The following PTPRC variants were observed in gnomAD, a reference collection of about 807,000 sequenced individuals.
PTPRC encodes the protein receptor-type tyrosine-protein phosphatase C.
PTPRC carries 44 observed loss-of-function variants against 155.9 expected under a neutral mutation model. The ratio of observed to expected loss-of-function variants is 0.28; its 90% CI spans 0.22 to 0.36. The LOEUF is 0.36. Among genes scored for constraint, PTPRC ranks in the 10% least tolerant of loss-of-function variants. The probability of loss-of-function intolerance (pLI) is 1.00; values close to 1 mark genes in which losing one functional copy is unlikely to be tolerated. For missense variants in PTPRC, 1,401 were observed against 1,564.6 expected, an observed-to-expected ratio of 0.90 and a Z score of 1.76; for synonymous variants, 525 against 533.1, an observed-to-expected ratio of 0.98 and a Z score of 0.21.
intron 14 of PTPRC, among the ~76,000 whole-genome samples, chr1:198,720,016 G>A (rs112221864): frequency 9.2e-5 from 14 of 152,236 alleles, no homozygotes; most frequent in African/African-American, 3.4e-4. Flanking sequence ...AGGGCATTAT[G>A]ATAGATGATG....
chr1:198,658,907 T>C (rs1663765167), intron 2 of PTPRC, among the ~76,000 whole-genome samples: 1 of 152,076 alleles, frequency 6.6e-6, no homozygotes, highest in South Asian at 2.1e-4. Flanking sequence ...TCAAATCATT[T>C]GAGAACGTTA....
chr1:198,715,644 G>GAAA (rs555130847), intron 12 of PTPRC, among the ~76,000 whole-genome samples: 6 of 145,618 alleles, frequency 4.1e-5, no homozygotes, highest in African/African-American at 1.5e-4. Context: ...ATTTTTTTAA[G>GAAA]AAAAAAAAAA....
chr1:198,688,095 G>T (rs972556081), intron 2 of PTPRC, among the ~76,000 whole-genome samples: 1 of 151,872 alleles, frequency 6.6e-6, no homozygotes, highest in African/African-American at 2.4e-5. Flanking sequence ...GTGTGTGTGT[G>T]TGTCTGTGTG....
At chr1:198,741,238 T>A (rs1200326640) in intron 23 of PTPRC, among the ~76,000 whole-genome samples, 10 of 151,884 alleles carry the variant, frequency 6.6e-5, no homozygotes, top group Non-Finnish European at 1.3e-4. Flanking sequence ...TTATGACTTA[T>A]GCATCTTATG....
intron 20 of PTPRC, 151 bp downstream of exon 20, chr1:198,732,707 T>C: frequency 1.6e-6 from 1 of 645,024 alleles, no homozygotes; most frequent in Non-Finnish European, 2.7e-6. Flanking sequence ...TTAGCAAGGA[T>C]AGTTATTTAT....
intron 15 of PTPRC, among the ~76,000 whole-genome samples, chr1:198,723,113 A>G (rs1454763357): frequency 3.2e-5 from 1 of 31,486 alleles, no homozygotes; most frequent in Non-Finnish European, 1.2e-4. Flanking sequence ...AGTTTCCTTC[A>G]TATATATATA....
At chr1:198,690,818 T>C (rs1665884000) in intron 2 of PTPRC, among the ~76,000 whole-genome samples, 1 of 152,122 alleles carries the variant, frequency 6.6e-6, no homozygotes, top group Non-Finnish European at 1.5e-5. Context: ...ATCTTTTAAA[T>C]AGGCATTTAC....
chr1:198,740,489 G>T (rs183926996), intron 23 of PTPRC, among the ~76,000 whole-genome samples: 54 of 152,022 alleles, frequency 3.6e-4, no homozygotes, highest in Middle Eastern at 3.4e-3. Context: ...GACTGAGGCA[G>T]TAGAATCACT....
intron 11 of PTPRC, among the ~76,000 whole-genome samples, 190 bp downstream of exon 11, chr1:198,710,014 G>T (rs1653211973): frequency 6.6e-6 from 1 of 152,134 alleles, no homozygotes; most frequent in South Asian, 2.1e-4. Flanking sequence ...TGTCGTATAT[G>T]AAAGTCCATT....
chr1:198,727,689 T>C (rs1483567072), intron 15 of PTPRC, among the ~76,000 whole-genome samples: 1 of 152,102 alleles, frequency 6.6e-6, no homozygotes, highest in East Asian at 1.9e-4. Flanking sequence ...TTTTGCTGCA[T>C]TTTCACTACA....
intron 2 of PTPRC, among the ~76,000 whole-genome samples, chr1:198,639,988 A>C (rs557083963): frequency 6.6e-6 from 1 of 152,118 alleles, no homozygotes; most frequent in African/African-American, 2.4e-5. Context: ...ATTCTTGTGG[A>C]GCCACCGCCC....
intron 2 of PTPRC, among the ~76,000 whole-genome samples, chr1:198,685,471 A>T (rs1444427970): frequency 2.0e-5 from 3 of 151,988 alleles, no homozygotes; most frequent in Non-Finnish European, 4.4e-5. Flanking sequence ...TTTACTGATA[A>T]GCTAATGGAG....
chr1:198,715,406 T>A (rs1460635217), intron 12 of PTPRC, among the ~76,000 whole-genome samples: 1 of 151,894 alleles, frequency 6.6e-6, no homozygotes, highest in Non-Finnish European at 1.5e-5. Context: ...TGTTTGTTTA[T>A]TTTTCCTCAC....
chr1:198,743,753 A>G (rs1470592616), intron 25 of PTPRC, among the ~76,000 whole-genome samples: 1 of 151,880 alleles, frequency 6.6e-6, no homozygotes, highest in African/African-American at 2.4e-5. Flanking sequence ...TCACTAAAGG[A>G]AGTAACATAC....
At chr1:198,703,413 T>A in intron 7 of PTPRC, 41 bp downstream of exon 7, 1 of 1,608,650 alleles carries the variant, frequency 6.2e-7, no homozygotes, top group Non-Finnish European at 8.5e-7. Flanking sequence ...CATCCCCATG[T>A]GCCTGGTGAT....
At chr1:198,707,577 T>G (rs1240534196) in intron 9 of PTPRC, among the ~76,000 whole-genome samples, 2 of 152,182 alleles carry the variant, frequency 1.3e-5, no homozygotes, top group African/African-American at 4.8e-5. Context: ...TCAAGACTAT[T>G]AATAAATTTG....
At chr1:198,716,537 T>C (rs145068581) in intron 12 of PTPRC, 145 bp from the exon 13 acceptor site, 51 of 674,598 alleles carry the variant, frequency 7.6e-5, no homozygotes, top group African/African-American at 1.4e-4. Context: ...TAGGTACTTT[T>C]GAGTATCAAG....
chr1:198,720,884 A>G (rs1208244416), intron 14 of PTPRC, among the ~76,000 whole-genome samples: 1 of 152,128 alleles, frequency 6.6e-6, no homozygotes, highest in Non-Finnish European at 1.5e-5. Context: ...TCCAGTGCCC[A>G]TTAAGCTCCA....
chr1:198,719,672 G>A (rs1157809795), intron 14 of PTPRC, among the ~76,000 whole-genome samples: 1 of 151,808 alleles, frequency 6.6e-6, no homozygotes, highest in African/African-American at 2.4e-5. Context: ...GTGTGGTGGC[G>A]TGATCTCGGC....
Sources: allele counts gnomAD v4.1 joint callset (sites outside exome capture counted in the v4.1 genomes callset), GRCh38; gene constraint gnomAD v4.1.1; transcripts MANE v1.5; gene names NCBI Gene and HGNC (gene_info 2026-07-23, HGNC 2026-07-21).